Variants in SIRPG observed in about 807,000 individuals in gnomAD.
SIRPG encodes signal regulatory protein gamma.
SIRPG carries 38 observed loss-of-function variants against 35.7 expected under a neutral mutation model. The observed-to-expected ratio is 1.06, with a 90% CI of 0.82 to 1.40. The LOEUF is 1.40. SIRPG is among the 40% of genes most tolerant of loss of function. The pLI is 0.00. For missense variants in SIRPG, 519 were observed against 483.0 expected (o/e 1.07, Z -0.70); for synonymous variants, 215 against 190.4 (o/e 1.13, Z -1.06).
chr20:1,673,815 C>T, the SIRPG span, among the ~76,000 whole-genome samples: 27 of 152,166 alleles, frequency 1.8e-4, no homozygotes, highest in East Asian at 7.7e-4. Context: ...ATGACATCTT[C>T]GTGTGTGGAG....
chr20:1,667,631 T>C, the SIRPG span, among the ~76,000 whole-genome samples: 1 of 151,682 alleles, frequency 6.6e-6, no homozygotes, highest in African/African-American at 2.4e-5. Context: ...TTTAAGGGAG[T>C]CTTCAATGAT....
chr20:1,684,912 T>C, the SIRPG span, among the ~76,000 whole-genome samples: 1 of 152,228 alleles, frequency 6.6e-6, no homozygotes, highest in African/African-American at 2.4e-5. Flanking sequence ...GTGTCTACCT[T>C]GTAGGAAGAG....
the SIRPG span, among the ~76,000 whole-genome samples, chr20:1,686,141 C>A: frequency 6.6e-6 from 1 of 152,276 alleles, no homozygotes; most frequent in African/African-American, 2.4e-5. Context: ...CACCTGATTC[C>A]ATCCCTTGGT....
chr20:1,633,720 G>C (rs112218093), intron 4 of SIRPG: 6 of 152,310 alleles, frequency 3.9e-5, no homozygotes, highest in African/African-American at 1.4e-4. Flanking sequence ...ACCACCATAA[G>C]GTATGTGGGA....
the SIRPG span, among the ~76,000 whole-genome samples, chr20:1,686,323 A>G: frequency 6.6e-6 from 1 of 152,126 alleles, no homozygotes; most frequent in Non-Finnish European, 1.5e-5. Flanking sequence ...AGCCCAAGGC[A>G]GTGCTCACCT....
the SIRPG span, among the ~76,000 whole-genome samples, chr20:1,682,925 C>T: frequency 6.6e-6 from 1 of 152,186 alleles, no homozygotes; most frequent in African/African-American, 2.4e-5. Flanking sequence ...GGATTACATA[C>T]ATAGCCAAGA....
At chr20:1,646,194 C>T (rs2091896046) in intron 2 of SIRPG, 1 of 152,204 alleles carries the variant, frequency 6.6e-6, no homozygotes, top group Admixed American at 6.5e-5. Flanking sequence ...TCTTGAGCCC[C>T]AACACTGACT....
At chr20:1,636,565 G>T in intron 2 of SIRPG, 60 bp from the exon 3 acceptor site, 3 of 1,532,912 alleles carry the variant, frequency 2.0e-6, no homozygotes, top group South Asian at 2.3e-5. Flanking sequence ...CTAACGATGA[G>T]TGTGTGACAC....
chr20:1,631,509 C>T (rs1300005108), intron 4 of SIRPG, among the ~76,000 whole-genome samples: 2 of 152,246 alleles, frequency 1.3e-5, no homozygotes, highest in African/African-American at 2.4e-5. Context: ...GCTCCTCCTA[C>T]AGTCCTGCCT....
intron 1 of SIRPG, among the ~76,000 whole-genome samples, chr20:1,653,896 C>T (rs1223965219): frequency 6.6e-6 from 1 of 152,154 alleles, no homozygotes; most frequent in Non-Finnish European, 1.5e-5. Context: ...GTATAACATT[C>T]ATAAATCTCC....
In SIRPG at chr20:1,635,349, A is replaced by G. The variant is rs972382882; in HGVS notation, c.999T>C (p.His333=). 2.8e-5 allele frequency: 46 copies of G among 1,614,068 alleles called. No individual in the cohort carries two copies. Among genetic ancestry groups the G allele is most frequent in the Non-Finnish European group, 3.7e-5 (44 of 1,180,034 alleles). The part of the protein sequence containing the change: ...DDVVLTCQVK[H]DGQLAVSKRL... ...GTTTGCTGACCGCCAGCTGCCCATCATGCTTCACCTGGCAGGTGAGGACCA... is the reference window on the plus strand; with the variant it reads ...GTTTGCTGACCGCCAGCTGCCCATCGTGCTTCACCTGGCAGGTGAGGACCA... The change falls in exon 4 of 6, where the codon CAT becomes CAC. Residue 333 remains histidine (H), a synonymous_variant. Transcript: ENST00000303415.
At chr20:1,638,537 A>G (rs1313368061) in intron 2 of SIRPG, 1 of 152,196 alleles carries the variant, frequency 6.6e-6, no homozygotes, top group East Asian at 1.9e-4. Flanking sequence ...TCAAAAAAAA[A>G]TAAGATCATA....
At chr20:1,668,150 T>TG in the SIRPG span, among the ~76,000 whole-genome samples, 2 of 113,108 alleles carry the variant, frequency 1.8e-5, no homozygotes, top group Non-Finnish European at 3.7e-5. Flanking sequence ...TTCTTTTCTT[T>TG]TTTTCTTTTC....
chr20:1,659,805 A>G (rs972482531), upstream of SIRPG, among the ~76,000 whole-genome samples: 5 of 152,332 alleles, frequency 3.3e-5, no homozygotes, highest in Middle Eastern at 3.4e-3. Context: ...CTATAGCCTC[A>G]ATTAGGAGCA....
At chr20:1,648,569 A>G (rs1473333119) in intron 2 of SIRPG, 2 of 152,390 alleles carry the variant, frequency 1.3e-5, no homozygotes, top group Non-Finnish European at 2.9e-5. Flanking sequence ...CTGTTTGCAC[A>G]GCATCCAGGG....
At chr20:1,683,969 CA>C in the SIRPG span, among the ~76,000 whole-genome samples, 56,139 of 137,172 alleles carry the variant, frequency 0.41, 11,809 homozygotes, top group Admixed American at 0.51. Flanking sequence ...AACACCGTCT[CA>C]AAAAAAAAAA....
chr20:1,663,281 CCAGTCTG>C, the SIRPG span, among the ~76,000 whole-genome samples: 3 of 152,082 alleles, frequency 2.0e-5, no homozygotes, highest in African/African-American at 4.8e-5. Context: ...CCACTGCACT[CCAGTCTG>C]CAGCCTGGGC....
chr20:1,665,799 A>G, the SIRPG span, among the ~76,000 whole-genome samples: 177 of 152,090 alleles, frequency 1.2e-3, 1 homozygote, highest in African/African-American at 4.0e-3. Context: ...TTTTCTTTTT[A>G]TGTGTACTAT....
chr20:1,639,426 G>A (rs1023845084), intron 2 of SIRPG, among the ~76,000 whole-genome samples: 2 of 152,136 alleles, frequency 1.3e-5, no homozygotes, highest in Admixed American at 1.3e-4. Context: ...CTTCTTTTGA[G>A]AAGTGTGTGT....
Sources: gnomAD v4.1 joint callset for allele counts (sites outside exome capture counted in the v4.1 genomes callset) on GRCh38, gnomAD v4.1.1 for gene constraint, MANE v1.5 for transcripts, NCBI Gene and HGNC (gene_info 2026-07-23, HGNC 2026-07-21) for gene names.